SF3B1: variants seen among roughly 807,000 people sequenced by gnomAD.
SF3B1 encodes the protein pre-mRNA processing 10.
SF3B1 carries 12 observed loss-of-function variants against 153.8 expected under a neutral mutation model. The ratio of observed to expected loss-of-function variants is 0.08; its 90% confidence interval spans 0.05 to 0.13. SF3B1 has a LOEUF of 0.13. Among genes scored for constraint, SF3B1 ranks in the 10% least tolerant of loss-of-function variants. The pLI is 1.00. For synonymous variants in SF3B1, 498 were observed against 525.2 expected (o/e 0.95, Z 0.71); for missense variants, 513 against 1,606.1 (o/e 0.32, Z 11.63).
In SF3B1 at chr2:197,401,615, T is replaced by C; in HGVS notation, c.2371-90A>G. 2 of 1,499,804 alleles carry C rather than the reference T, an allele frequency of 1.3e-6. No homozygotes were observed. The highest frequency in any genetic ancestry group is 1.8e-6 in the Non-Finnish European group (2 of 1,099,338). 92.9% of individuals were successfully genotyped at this position (1,499,804 alleles called of 1,614,324 possible). ...GATTACGTGATTTTAAAAAATAAAATTTAAAAACAAATCAAACAGTATTCG... is the reference window on the plus strand; with the variant it reads ...GATTACGTGATTTTAAAAAATAAAACTTAAAAACAAATCAAACAGTATTCG... On this transcript the variant is annotated intron_variant, in intron 16 of 24. Coordinates refer to ENST00000335508, the MANE Select transcript of SF3B1 (RefSeq NM_012433.4). The surrounding 1 kb of genome is among the most constrained non-coding windows in gnomAD (Gnocchi z 4.2).
rs2084795553 is a variant in SF3B1, at chr2:197,390,270, G to C, written c.*2033C>G. 6.6e-6 allele frequency: 1 copy of C among 152,154 alleles called. No homozygotes were observed. Among genetic ancestry groups the C allele is most frequent in the Admixed American group, 6.5e-5 (1 of 15,272 alleles). 9.4% of individuals were successfully genotyped at this position (152,154 alleles called of 1,614,324 possible). A position where few individuals can be genotyped will look rare whatever the true frequency, so the allele number is the denominator to read the frequency against. ...CACTACAAAGCCTATTTTCCATAAA[G>C]AACCAGAGGCCAAGCAAACGTAGGC... On this transcript the variant is annotated 3_prime_UTR_variant, in exon 25 of 25. Coordinates refer to ENST00000335508, the MANE Select transcript of SF3B1 (RefSeq NM_012433.4).
At chr2:197,411,089 ACAC>A (rs1215700928) in intron 6 of SF3B1, among the ~76,000 whole-genome samples, 1 of 152,098 alleles carries the variant, frequency 6.6e-6, no homozygotes, top group African/African-American at 2.4e-5. Flanking sequence ...ATACAGGCGC[ACAC>A]CACCACACCC....
chr2:197,413,813 T>G (rs2085106801), intron 6 of SF3B1, among the ~76,000 whole-genome samples: 1 of 151,666 alleles, frequency 6.6e-6, no homozygotes, highest in African/African-American at 2.4e-5. Context: ...TGTTTTGTTT[T>G]GTTTTTTTTT....
rs2084935970 is a variant in SF3B1, at chr2:197,401,442, G to A, written c.2454C>T (p.Phe818=). Residue 818 remains phenylalanine, a synonymous_variant, in exon 17 of 25, where the codon TTC becomes TTT. Coordinates refer to ENST00000335508, the MANE Select transcript of SF3B1 (RefSeq NM_012433.4). The surrounding 1 kb of genome is among the most constrained non-coding windows in gnomAD (Gnocchi z 4.2). The part of the protein sequence containing the change: ...TEILPPFFKH[F]WQHRMALDRR... ...TATCCAAAGCCATCCTGTGCTGCCA[G>A]AAGTGTTTAAAAAAGGGAGGAAGAA... The A allele has an allele frequency of 3.7e-6, 6 of 1,612,568 alleles. No homozygotes were observed. In the South Asian group the frequency reaches 6.6e-5, roughly 18 times the overall value.
At chr2:197,424,790 T>C (rs1291427758) in intron 1 of SF3B1, among the ~76,000 whole-genome samples, 1 of 152,268 alleles carries the variant, frequency 6.6e-6, no homozygotes, top group Non-Finnish European at 1.5e-5. Context: ...AAGATTTCCA[T>C]GGCCTGACAA....
At chr2:197,398,808 T>C (rs2084904856) in intron 20 of SF3B1, 2 of 533,300 alleles carry the variant, frequency 3.8e-6, no homozygotes, top group African/African-American at 3.8e-5. Flanking sequence ...ATTTAAAGGA[T>C]GATGGATACT....
At chr2:197,399,864 T>C (rs1254169344) in intron 20 of SF3B1, among the ~76,000 whole-genome samples, 191 bp downstream of exon 20, 1 of 152,056 alleles carries the variant, frequency 6.6e-6, no homozygotes, top group African/African-American at 2.4e-5. Context: ...TTTTTCTCTT[T>C]AAAGTAAAAT....
At chr2:197,419,193 CAT>C (rs2085201773) in intron 4 of SF3B1, 4 of 460,122 alleles carry the variant, frequency 8.7e-6, no homozygotes, top group African/African-American at 4.0e-5. Flanking sequence ...ACCCAGAAAA[CAT>C]ATTTTTATTT....
At chr2:197,433,191 T>C (rs778696973) in intron 1 of SF3B1, among the ~76,000 whole-genome samples, 1 of 152,266 alleles carries the variant, frequency 6.6e-6, no homozygotes, top group Non-Finnish European at 1.5e-5. Context: ...TCCCCTGACA[T>C]ATCCCATAGG....
intron 1 of SF3B1, among the ~76,000 whole-genome samples, chr2:197,430,147 T>C (rs768412686): frequency 1.1e-4 from 17 of 152,236 alleles, no homozygotes; most frequent in Non-Finnish European, 2.4e-4. Context: ...CAAAATGTTA[T>C]CAGTTTTCTT....
chr2:197,403,938 C>T (rs1041874804), intron 11 of SF3B1, among the ~76,000 whole-genome samples, 174 bp from the exon 12 acceptor site: 1 of 152,164 alleles, frequency 6.6e-6, no homozygotes, highest in Admixed American at 6.5e-5. Context: ...AATTTCAATT[C>T]CTGTGATAGA....
intron 22 of SF3B1, among the ~76,000 whole-genome samples, chr2:197,397,037 T>A (rs141360755): frequency 8.1e-4 from 124 of 152,354 alleles, no homozygotes; most frequent in African/African-American, 2.9e-3. Flanking sequence ...CACATGGACA[T>A]GTGGTGTCTC....
At chr2:197,419,159 G>T in intron 4 of SF3B1, 1 of 485,804 alleles carries the variant, frequency 2.1e-6, no homozygotes. Flanking sequence ...TACTAAAAAG[G>T]GCTTCATGCT....
intron 2 of SF3B1, among the ~76,000 whole-genome samples, chr2:197,422,415 G>A (rs376822479): frequency 6.6e-6 from 1 of 151,936 alleles, no homozygotes; most frequent in African/African-American, 2.4e-5. Context: ...ATGGGGTGGG[G>A]GTAGGGGGGA....
chr2:197,417,980 A>G (rs1229489643), intron 5 of SF3B1, among the ~76,000 whole-genome samples: 1 of 151,912 alleles, frequency 6.6e-6, no homozygotes, highest in Non-Finnish European at 1.5e-5. Flanking sequence ...TCACACCTGT[A>G]ATCCCAGCAC....
intron 1 of SF3B1, among the ~76,000 whole-genome samples, chr2:197,430,746 G>A (rs2085415697): frequency 6.6e-6 from 1 of 152,122 alleles, no homozygotes. Context: ...AAGCCACCGT[G>A]CCCAGCCTAC....
At chr2:197,405,917 C>T (rs996891495) in intron 9 of SF3B1, among the ~76,000 whole-genome samples, 6 of 151,934 alleles carry the variant, frequency 3.9e-5, no homozygotes, top group Non-Finnish European at 8.8e-5. Context: ...TAAATTCTTG[C>T]ACTACAAAAT....
intron 6 of SF3B1, 181 bp downstream of exon 6, chr2:197,416,560 A>G: frequency 1.8e-6 from 1 of 550,820 alleles, no homozygotes; most frequent in Non-Finnish European, 3.2e-6. Context: ...CTCAACAAAC[A>G]CCAACCCTGT....
chr2:197,414,177 C>T (rs1005192421), intron 6 of SF3B1, among the ~76,000 whole-genome samples: 5 of 152,034 alleles, frequency 3.3e-5, no homozygotes, highest in African/African-American at 9.7e-5. Flanking sequence ...GACATGTATG[C>T]GAAGAAAATC....
Sources: allele counts gnomAD v4.1 joint callset (sites outside exome capture counted in the v4.1 genomes callset), GRCh38; gene constraint gnomAD v4.1.1; non-coding constraint Gnocchi (gnomAD v3.1); transcripts MANE v1.5; gene names NCBI Gene and HGNC (gene_info 2026-07-23, HGNC 2026-07-21).